The following MSRA variants were observed in gnomAD, a reference collection of about 807,000 sequenced individuals.
MSRA encodes the protein methionine sulfoxide reductase A.
A neutral mutation model predicts 31.3 loss-of-function variants in MSRA; 54 were observed. That is an observed-to-expected ratio of 1.73 (90% CI 1.39 to 2.17). The LOEUF (loss-of-function observed/expected upper bound fraction) is 2.17. Ranked by LOEUF, MSRA falls within the 30% of genes most tolerant of loss-of-function variation. The probability of loss-of-function intolerance (pLI) is 0.00; values close to 1 mark genes in which losing one functional copy is unlikely to be tolerated. For missense variants in MSRA, 507 were observed against 300.9 expected, an observed-to-expected ratio of 1.69 and a Z score of -5.07; for synonymous variants, 169 against 116.5, an observed-to-expected ratio of 1.45 and a Z score of -2.90.
chr8:10,134,780 T>A (rs1274777984), intron 1 of MSRA, among the ~76,000 whole-genome samples: 1 of 152,254 alleles, frequency 6.6e-6, no homozygotes, highest in South Asian at 2.1e-4. Context: ...AAACGCTTGG[T>A]TGAAGTATAT....
At chr8:10,225,582 A>C (rs577212708) in intron 2 of MSRA, among the ~76,000 whole-genome samples, 105 of 152,338 alleles carry the variant, frequency 6.9e-4, no homozygotes, top group Non-Finnish European at 1.1e-3. Context: ...TTTAGGTTTG[A>C]ATAGAGGAGC....
At chr8:10,395,020 C>G (rs534737688) in intron 5 of MSRA, among the ~76,000 whole-genome samples, 226 of 152,312 alleles carry the variant, frequency 1.5e-3, no homozygotes, top group African/African-American at 5.3e-3. Context: ...TCAACTCAGT[C>G]CCTGTCCTCT....
intron 4 of MSRA, among the ~76,000 whole-genome samples, chr8:10,308,731 C>G (rs1265105983): frequency 1.3e-5 from 2 of 152,208 alleles, no homozygotes; most frequent in Admixed American, 6.5e-5. Flanking sequence ...TGTTCCATTC[C>G]TGGAAGACTT....
chr8:10,169,711 G>C (rs1805436542), intron 1 of MSRA, among the ~76,000 whole-genome samples: 1 of 152,136 alleles, frequency 6.6e-6, no homozygotes, highest in African/African-American at 2.4e-5. Context: ...ATTTCATTTT[G>C]TCTGATGCTA....
chr8:10,253,542 T>G (rs1798024320), intron 3 of MSRA, among the ~76,000 whole-genome samples: 1 of 152,208 alleles, frequency 6.6e-6, no homozygotes, highest in Non-Finnish European at 1.5e-5. Flanking sequence ...AAACATCCTT[T>G]TACCCATTCA....
chr8:10,068,695 G>A (rs1359760059), intron 1 of MSRA, among the ~76,000 whole-genome samples: 1 of 152,204 alleles, frequency 6.6e-6, no homozygotes, highest in African/African-American at 2.4e-5. Flanking sequence ...TTTGCTGATT[G>A]TTGAAGTTGA....
intron 1 of MSRA, among the ~76,000 whole-genome samples, chr8:10,115,788 C>A (rs1007591340): frequency 6.6e-6 from 1 of 152,082 alleles, no homozygotes; most frequent in South Asian, 2.1e-4. Context: ...CTGCTGTATC[C>A]CCAGCATTAA....
At chr8:10,375,883 G>C (rs1477042527) in intron 5 of MSRA, among the ~76,000 whole-genome samples, 1 of 152,246 alleles carries the variant, frequency 6.6e-6, no homozygotes, top group African/African-American at 2.4e-5. Flanking sequence ...CTTTGCACTG[G>C]ACTGGAATTG....
chr8:10,080,593 C>A (rs1012487249), intron 1 of MSRA, among the ~76,000 whole-genome samples: 1 of 152,078 alleles, frequency 6.6e-6, no homozygotes, highest in Non-Finnish European at 1.5e-5. Flanking sequence ...TAGCACAGTC[C>A]CAGCTTACTG....
At chr8:10,236,580 G>T (rs908472102) in intron 2 of MSRA, among the ~76,000 whole-genome samples, 1 of 152,042 alleles carries the variant, frequency 6.6e-6, no homozygotes, top group Non-Finnish European at 1.5e-5. Context: ...AGTCTCACTC[G>T]CTCACTCAAG....
chr8:10,391,227 A>G (rs1585661268), intron 5 of MSRA, among the ~76,000 whole-genome samples: 1 of 152,176 alleles, frequency 6.6e-6, no homozygotes, highest in East Asian at 1.9e-4. Context: ...CCCCAAGTGA[A>G]CCTAGTTTGA....
At chr8:10,406,700 C>T (rs1462980279) in intron 5 of MSRA, among the ~76,000 whole-genome samples, 1 of 152,168 alleles carries the variant, frequency 6.6e-6, no homozygotes, top group Non-Finnish European at 1.5e-5. Flanking sequence ...ACAGATAAGC[C>T]ATATCTCCCC....
intron 4 of MSRA, among the ~76,000 whole-genome samples, chr8:10,308,386 C>A (rs901580754): frequency 2.6e-5 from 4 of 152,104 alleles, no homozygotes; most frequent in African/African-American, 9.7e-5. Context: ...CCAGATCGGC[C>A]CGGCACTCGC....
chr8:10,074,486 A>G (rs543996219), intron 1 of MSRA, among the ~76,000 whole-genome samples: 4 of 152,272 alleles, frequency 2.6e-5, no homozygotes, highest in East Asian at 3.9e-4. Flanking sequence ...AAATAAGTGA[A>G]TAAGTTTTTT....
intron 1 of MSRA, among the ~76,000 whole-genome samples, chr8:10,123,227 T>C (rs1801256280): frequency 6.6e-6 from 1 of 152,244 alleles, no homozygotes; most frequent in Non-Finnish European, 1.5e-5. Flanking sequence ...TTCTGACTGG[T>C]GTGAGATGGT....
At chr8:10,294,310 G>A (rs1043630496) in intron 3 of MSRA, among the ~76,000 whole-genome samples, 19 of 152,216 alleles carry the variant, frequency 1.2e-4, no homozygotes, top group African/African-American at 4.6e-4. Flanking sequence ...GCAGTCAAAT[G>A]ATACTAGCAA....
intron 2 of MSRA, among the ~76,000 whole-genome samples, chr8:10,214,672 C>G (rs973563778): frequency 2.6e-5 from 4 of 152,176 alleles, no homozygotes; most frequent in Non-Finnish European, 5.9e-5. Flanking sequence ...GCGAAACAAT[C>G]TAAATTCACA....
At chr8:10,366,794 C>A (rs1318405729) in intron 5 of MSRA, among the ~76,000 whole-genome samples, 3 of 152,150 alleles carry the variant, frequency 2.0e-5, no homozygotes, top group Admixed American at 6.5e-5. Flanking sequence ...CAGCTAATAT[C>A]ATGAGTGAAT....
intron 1 of MSRA, among the ~76,000 whole-genome samples, chr8:10,156,565 C>A (rs1344455219): frequency 1.3e-5 from 2 of 151,564 alleles, no homozygotes; most frequent in Middle Eastern, 3.4e-3. Flanking sequence ...TGAAAATAAA[C>A]AATAAGTAAA....
Sources: allele counts gnomAD v4.1 joint callset (sites outside exome capture counted in the v4.1 genomes callset), GRCh38; gene constraint gnomAD v4.1.1; transcripts MANE v1.5; gene names NCBI Gene and HGNC (gene_info 2026-07-23, HGNC 2026-07-21).